The following PRKN variants were observed in gnomAD, a reference collection of about 807,000 sequenced individuals.
PRKN encodes the protein parkin RBR E3 ubiquitin protein ligase.
A neutral mutation model predicts 59.5 loss-of-function variants in PRKN; 56 were observed. The observed-to-expected ratio is 0.94, with a 90% CI of 0.76 to 1.18. The LOEUF (loss-of-function observed/expected upper bound fraction) is 1.18, where lower values mean the gene tolerates loss of function less well. Ranked by LOEUF, PRKN falls within the 50% of genes most tolerant of loss-of-function variation. PRKN has a pLI of 0.00. For synonymous variants in PRKN, 250 were observed against 222.1 expected, an observed-to-expected ratio of 1.13 and a Z score of -1.12; for missense variants, 657 against 596.4, an observed-to-expected ratio of 1.10 and a Z score of -1.06.
intron 1 of PRKN, among the ~76,000 whole-genome samples, chr6:162,654,676 C>T (rs1306367523): frequency 6.6e-6 from 1 of 152,138 alleles, no homozygotes; most frequent in Non-Finnish European, 1.5e-5. Flanking sequence ...TCTCATGCTG[C>T]CAGTGGAGAC....
intron 1 of PRKN, among the ~76,000 whole-genome samples, chr6:162,687,151 T>G (rs1777595612): frequency 6.6e-6 from 1 of 151,968 alleles, no homozygotes; most frequent in Admixed American, 6.6e-5. Context: ...ATATTAATTC[T>G]TCTGATCTAT....
intron 4 of PRKN, among the ~76,000 whole-genome samples, chr6:162,114,734 A>G (rs1457905127): frequency 1.3e-5 from 2 of 150,642 alleles, no homozygotes; most frequent in African/African-American, 4.9e-5. Context: ...GCCAAAAAAC[A>G]CATGAAAAAA....
intron 2 of PRKN, among the ~76,000 whole-genome samples, chr6:162,378,044 G>C (rs1021792385): frequency 7.2e-5 from 11 of 152,064 alleles, no homozygotes; most frequent in African/African-American, 2.2e-4. Flanking sequence ...CTTTCTCGTC[G>C]GGATTCACAC....
intron 2 of PRKN, among the ~76,000 whole-genome samples, chr6:162,415,102 T>C (rs1788560876): frequency 6.6e-6 from 1 of 152,202 alleles, no homozygotes; most frequent in African/African-American, 2.4e-5. Context: ...TGAATGTTTC[T>C]GAAATCGAAG....
chr6:162,531,450 G>C (rs1241195744), intron 1 of PRKN, among the ~76,000 whole-genome samples: 2 of 152,146 alleles, frequency 1.3e-5, no homozygotes, highest in Non-Finnish European at 2.9e-5. Flanking sequence ...AGGGAGCAGA[G>C]TGTTTAAGGA....
At chr6:162,374,061 C>T (rs1172558896) in intron 2 of PRKN, among the ~76,000 whole-genome samples, 1 of 152,188 alleles carries the variant, frequency 6.6e-6, no homozygotes, top group Non-Finnish European at 1.5e-5. Context: ...AGCCTGATTA[C>T]ACAGTTTACT....
chr6:161,814,104 G>C (rs1791668768), intron 6 of PRKN, among the ~76,000 whole-genome samples: 1 of 152,136 alleles, frequency 6.6e-6, no homozygotes, highest in Non-Finnish European at 1.5e-5. Flanking sequence ...TTCCTCTCCA[G>C]GAGCAAACAT....
At chr6:161,897,781 A>C (rs1419763695) in intron 6 of PRKN, among the ~76,000 whole-genome samples, 1 of 149,330 alleles carries the variant, frequency 6.7e-6, no homozygotes, top group Non-Finnish European at 1.5e-5. Flanking sequence ...GGAGATCGAG[A>C]CCAAGGTGAA....
chr6:162,480,855 G>A (rs547193775), intron 1 of PRKN, among the ~76,000 whole-genome samples: 1 of 152,026 alleles, frequency 6.6e-6, no homozygotes, highest in Admixed American at 6.6e-5. Flanking sequence ...ACCCAGCCTG[G>A]AGCGCAGTGG....
At chr6:162,456,613 G>A (rs1426393196) in intron 1 of PRKN, among the ~76,000 whole-genome samples, 1 of 152,142 alleles carries the variant, frequency 6.6e-6, no homozygotes, top group African/African-American at 2.4e-5. Flanking sequence ...GTTGTAGTCT[G>A]TAAAGTCACC....
chr6:162,270,076 T>G (rs568333422), intron 2 of PRKN: 1 of 152,178 alleles, frequency 6.6e-6, no homozygotes, highest in Non-Finnish European at 1.5e-5. Flanking sequence ...CACACGCAAG[T>G]TTATAGCAGC....
At chr6:162,554,644 C>T (rs551863228) in intron 1 of PRKN, among the ~76,000 whole-genome samples, 1 of 152,186 alleles carries the variant, frequency 6.6e-6, no homozygotes, top group South Asian at 2.1e-4. Context: ...GTGGGGGGAG[C>T]ACAGCGCAGC....
At chr6:162,583,083 G>A (rs1780851146) in intron 1 of PRKN, among the ~76,000 whole-genome samples, 4 of 152,106 alleles carry the variant, frequency 2.6e-5, no homozygotes, top group Admixed American at 2.6e-4. Flanking sequence ...CTTTGCCCCT[G>A]CCATTTGAAG....
At chr6:162,569,309 G>C in intron 1 of PRKN, 1 of 614,314 alleles carries the variant, frequency 1.6e-6, no homozygotes, top group Non-Finnish European at 3.1e-6. Flanking sequence ...TGGGGAGCTG[G>C]CCATTAAGGA....
intron 9 of PRKN, among the ~76,000 whole-genome samples, chr6:161,392,171 C>T (rs1292900367): frequency 6.6e-6 from 1 of 151,846 alleles, no homozygotes; most frequent in Non-Finnish European, 1.5e-5. Context: ...ACCCTGACCT[C>T]GTGATCCGCC....
chr6:161,864,870 G>A (rs1794051620), intron 6 of PRKN, among the ~76,000 whole-genome samples: 2 of 152,132 alleles, frequency 1.3e-5, no homozygotes, highest in Middle Eastern at 6.8e-3. Context: ...TGGCCAGAGT[G>A]GTCTCAAACT....
At chr6:162,406,315 C>A (rs935923786) in intron 2 of PRKN, among the ~76,000 whole-genome samples, 1 of 152,174 alleles carries the variant, frequency 6.6e-6, no homozygotes, top group Non-Finnish European at 1.5e-5. Flanking sequence ...TCCAAAGAGT[C>A]CAACTCTAGA....
At position 162,165,907 on chromosome 6, in the gene PRKN, G is replaced by A. The variant is rs551092600; in HGVS notation, c.534+35224C>T. On this transcript the variant is annotated intron_variant, in intron 4 of 11. Transcript: ENST00000366898. ...CTACTAAAATACAAAAATTAGCCGG[G>A]TGTGGTGGTGGGCACCTGTAGTCTC... Among the ~76,000 whole-genome samples, 12 of 152,022 alleles carry A rather than the reference G, an allele frequency of 7.9e-5. No homozygotes were observed. The South Asian group carries it at 2.3e-3, about 29-fold the overall frequency.
intron 1 of PRKN, among the ~76,000 whole-genome samples, chr6:162,460,092 T>C (rs142360894): frequency 6.6e-6 from 1 of 152,324 alleles, no homozygotes; most frequent in Non-Finnish European, 1.5e-5. Flanking sequence ...TTATTATTAA[T>C]AGCCAAAAGG....
Sources: allele counts gnomAD v4.1 joint callset (sites outside exome capture counted in the v4.1 genomes callset), GRCh38; gene constraint gnomAD v4.1.1; transcripts MANE v1.5; gene names NCBI Gene and HGNC (gene_info 2026-07-23, HGNC 2026-07-21).